THSD4: variants seen among roughly 807,000 people sequenced by gnomAD.
THSD4 encodes the protein thrombospondin type 1 domain containing 4.
THSD4 carries 69 observed loss-of-function variants against 119.0 expected under a neutral mutation model. That is an observed-to-expected ratio of 0.58 (90% CI 0.48 to 0.71). The LOEUF (loss-of-function observed/expected upper bound fraction) is 0.71, where lower values mean the gene tolerates loss of function less well. THSD4 is among the 30% of genes least tolerant of loss of function. The probability of loss-of-function intolerance (pLI) is 0.00; values close to 1 mark genes in which losing one functional copy is unlikely to be tolerated. For missense variants in THSD4, 1,393 were observed against 1,391.1 expected, an observed-to-expected ratio of 1.00 and a Z score of -0.02; for synonymous variants, 524 against 540.4, an observed-to-expected ratio of 0.97 and a Z score of 0.42.
At chr15:71,495,244 G>A (rs1339389841) in intron 7 of THSD4, among the ~76,000 whole-genome samples, 1 of 152,064 alleles carries the variant, frequency 6.6e-6, no homozygotes, top group Non-Finnish European at 1.5e-5. Flanking sequence ...TGTTGAAATG[G>A]AGCTCTCCTC....
intron 7 of THSD4, among the ~76,000 whole-genome samples, chr15:71,493,555 C>G (rs1173987730): frequency 2.0e-5 from 3 of 152,134 alleles, no homozygotes; most frequent in African/African-American, 7.2e-5. Flanking sequence ...GGCCATATGA[C>G]TAGTCTATAT....
intron 4 of THSD4, among the ~76,000 whole-genome samples, chr15:71,225,498 A>C (rs910051634): frequency 1.3e-5 from 2 of 151,552 alleles, no homozygotes; most frequent in African/African-American, 4.9e-5. Flanking sequence ...TGAGAAGAGA[A>C]GGTGACTAGG....
At chr15:71,299,974 A>ATATATATATAT (rs1285846370) in intron 6 of THSD4, among the ~76,000 whole-genome samples, 1 of 36,684 alleles carries the variant, frequency 2.7e-5, no homozygotes, top group Non-Finnish European at 5.4e-5. Flanking sequence ...AAAAAAAAAA[A>ATATATATATAT]AAATATATAT....
intron 1 of THSD4, among the ~76,000 whole-genome samples, chr15:71,120,459 C>G (rs774686971): frequency 2.0e-5 from 3 of 152,152 alleles, no homozygotes; most frequent in African/African-American, 4.8e-5. Context: ...GCCCATTAGC[C>G]CTGCTTCTCT....
intron 6 of THSD4, among the ~76,000 whole-genome samples, chr15:71,401,281 AT>A (rs2046528425): frequency 6.6e-6 from 1 of 152,148 alleles, no homozygotes; most frequent in Non-Finnish European, 1.5e-5. Context: ...TTTTTTGTTG[AT>A]TTTGAATAGA....
chr15:71,587,987 TTCATTGTCAAGAATC>T (rs1567049799), intron 7 of THSD4, among the ~76,000 whole-genome samples: 1 of 151,372 alleles, frequency 6.6e-6, no homozygotes, highest in African/African-American at 2.4e-5. Context: ...GTGGCATAGT[TTCATTGTCAAGAATC>T]TCATTGTCAA....
chr15:71,741,233 G>A (rs1224470007), intron 11 of THSD4, among the ~76,000 whole-genome samples: 2 of 152,200 alleles, frequency 1.3e-5, no homozygotes, highest in African/African-American at 4.8e-5. Context: ...GCTCATACCT[G>A]TAATCGAAGC....
intron 7 of THSD4, among the ~76,000 whole-genome samples, chr15:71,507,690 C>T (rs1027923315): frequency 2.8e-4 from 42 of 152,214 alleles, no homozygotes; most frequent in East Asian, 3.9e-4. Flanking sequence ...AGGCAAAGAC[C>T]AAATCTTTGG....
rs921481751 is a variant in THSD4, at chr15:71,728,512, G to C, written c.1358-37G>C. ...CAGTTCTGTTTCTTGTGCACACCCT[G>C]GGCTTACCCAAAGAACTGTCTGATT... On this transcript the variant is annotated intron_variant, in intron 8 of 17. Coordinates refer to ENST00000261862, the MANE Select transcript of THSD4 (RefSeq NM_024817.3). The C allele has an allele frequency of 5.6e-6, 9 of 1,608,938 alleles. No homozygotes were observed. The Admixed American group carries it at 1.0e-4, about 18-fold the overall frequency.
intron 6 of THSD4, among the ~76,000 whole-genome samples, chr15:71,406,288 T>C (rs1191937241): frequency 6.6e-6 from 1 of 152,226 alleles, no homozygotes; most frequent in Admixed American, 6.5e-5. Context: ...ATTTATTCCC[T>C]CTTGGAGATG....
chr15:71,330,952 G>A lies in THSD4; in HGVS notation c.1015+74237G>A, dbSNP rs559369714. Reference sequence around the variant, plus strand: ...AACCCGTTTACCGGGTGCCACTGGCGATCTGGCCTTGTCGAGGAAGGAGGG... The same window carrying A: ...AACCCGTTTACCGGGTGCCACTGGCAATCTGGCCTTGTCGAGGAAGGAGGG... On this transcript the variant is annotated intron_variant, in intron 6 of 17. Transcript: ENST00000261862. Among the ~76,000 whole-genome samples, 28 of 152,310 alleles carry A rather than the reference G, an allele frequency of 1.8e-4. No individual in the cohort carries two copies. In the East Asian group the frequency reaches 5.4e-3, roughly 29 times the overall value.
At chr15:71,261,746 A>G (rs953944754) in intron 6 of THSD4, among the ~76,000 whole-genome samples, 10 of 152,226 alleles carry the variant, frequency 6.6e-5, no homozygotes, top group Non-Finnish European at 1.0e-4. Context: ...AGCCACTGAG[A>G]TGTTGAATCA....
At chr15:71,427,098 AT>A (rs1199060582) in intron 7 of THSD4, among the ~76,000 whole-genome samples, 1 of 152,124 alleles carries the variant, frequency 6.6e-6, no homozygotes, top group African/African-American at 2.4e-5. Context: ...AAAATTATCT[AT>A]TATTTTTCTT....
chr15:71,659,269 G>A (rs927567646), intron 7 of THSD4, among the ~76,000 whole-genome samples: 1 of 152,104 alleles, frequency 6.6e-6, no homozygotes, highest in Admixed American at 6.6e-5. Context: ...ACTTCCATCT[G>A]CTCATGGAAA....
intron 7 of THSD4, among the ~76,000 whole-genome samples, chr15:71,493,371 G>C (rs2140706255): frequency 6.6e-6 from 1 of 152,254 alleles, no homozygotes. Flanking sequence ...CCTTTCCTCT[G>C]AGTTTGGACA....
At chr15:71,201,244 T>G (rs1283479530) in intron 3 of THSD4, among the ~76,000 whole-genome samples, 1 of 152,098 alleles carries the variant, frequency 6.6e-6, no homozygotes, top group African/African-American at 2.4e-5. Flanking sequence ...GCTTTCATAA[T>G]GGTACTTCTG....
At chr15:71,482,522 C>T (rs1340159731) in intron 7 of THSD4, among the ~76,000 whole-genome samples, 2 of 151,978 alleles carry the variant, frequency 1.3e-5, no homozygotes, top group Non-Finnish European at 2.9e-5. Context: ...GATATCCTGA[C>T]CTCGTGATCT....
Position 71,193,755 on chromosome 15 carries a change from A to T in THSD4, c.100-21280A>T, listed in dbSNP as rs543154993. On this transcript the variant is annotated intron_variant, in intron 3 of 17. Transcript: ENST00000261862. ...CGGAGTCTCGCTCTGTTGCCCAGGC[A>T]GGAGTGCAGTGGCGTGATCTCGGCT... Among the ~76,000 whole-genome samples, 404 of 152,148 alleles carry T rather than the reference A, an allele frequency of 2.7e-3. 2 individuals carry two copies. The highest frequency in any genetic ancestry group is 6.5e-3 in the African/African-American group (271 of 41,518).
intron 4 of THSD4, among the ~76,000 whole-genome samples, chr15:71,218,415 C>T (rs1338357356): frequency 6.6e-6 from 1 of 152,102 alleles, no homozygotes; most frequent in Admixed American, 6.5e-5. Flanking sequence ...AGAAGAGCTG[C>T]CTGAGGATCA....
Sources: gnomAD v4.1 joint callset for allele counts (sites outside exome capture counted in the v4.1 genomes callset) on GRCh38, gnomAD v4.1.1 for gene constraint, MANE v1.5 for transcripts, NCBI Gene and HGNC (gene_info 2026-07-23, HGNC 2026-07-21) for gene names.